Variants in FAM185A observed in about 807,000 individuals in gnomAD.
The protein encoded by FAM185A is family with sequence similarity 185 member A.
A neutral mutation model predicts 45.7 loss-of-function variants in FAM185A; 21 were observed. That is an observed-to-expected ratio of 0.46 (90% CI 0.33 to 0.66). The LOEUF (loss-of-function observed/expected upper bound fraction) is 0.66. Among genes scored for constraint, FAM185A ranks in the 30% least tolerant of loss-of-function variants. The pLI is 0.03. For missense variants in FAM185A, 305 were observed against 485.4 expected (o/e 0.63, Z 3.49); for synonymous variants, 117 against 194.0 (o/e 0.60, Z 3.30).
intron 7 of FAM185A, among the ~76,000 whole-genome samples, chr7:102,788,625 C>T (rs1017368164): frequency 2.0e-5 from 3 of 152,092 alleles, no homozygotes; most frequent in Non-Finnish European, 2.9e-5. Context: ...AGTTAAGTGG[C>T]GAAAATTTGA....
intron 7 of FAM185A, among the ~76,000 whole-genome samples, chr7:102,798,224 G>T (rs1796562064): frequency 6.6e-6 from 1 of 152,198 alleles, no homozygotes; most frequent in Non-Finnish European, 1.5e-5. Context: ...AAGTAAATAA[G>T]GAGGAAGGCT....
At chr7:102,774,168 A>AT (rs753576265) in intron 5 of FAM185A, among the ~76,000 whole-genome samples, 29 of 151,906 alleles carry the variant, frequency 1.9e-4, no homozygotes, top group Non-Finnish European at 3.2e-4. Flanking sequence ...GATCTGGCAC[A>AT]TTTTTTTGTT....
At chr7:102,783,677 G>C (rs7792717) in intron 6 of FAM185A, among the ~76,000 whole-genome samples, 69,456 of 149,000 alleles carry the variant, frequency 0.47, 17,876 homozygotes, top group African/African-American at 0.71. Flanking sequence ...TCTGGTATGT[G>C]AAAGCAGTGT....
rs1461828245 is a variant in FAM185A, at chr7:102,779,852, T to A, written c.931+2504T>A. 24 of 4,052 alleles carry A rather than the reference T, an allele frequency of 5.9e-3. No homozygotes were observed. The East Asian group carries it at 0.14, about 23-fold the overall frequency. 0.3% of individuals were successfully genotyped at this position (4,052 alleles called of 1,614,324 possible). ...CAGTTGTGCACCACCACACCCAGCT[T>A]TTTTTTTTTTTTTTTTTTTTTTTTT... On this transcript the variant is annotated intron_variant, in intron 6 of 7. Coordinates refer to ENST00000413034, the MANE Select transcript of FAM185A (RefSeq NM_001145268.2).
chr7:102,838,029 G>A, the FAM185A span, among the ~76,000 whole-genome samples: 1 of 152,182 alleles, frequency 6.6e-6, no homozygotes, highest in Non-Finnish European at 1.5e-5. Flanking sequence ...CAGGAGTGAG[G>A]AGAATGAGCT....
At chr7:102,765,158 A>T (rs1029039121) in intron 4 of FAM185A, among the ~76,000 whole-genome samples, 3 of 152,204 alleles carry the variant, frequency 2.0e-5, no homozygotes, top group African/African-American at 7.2e-5. Flanking sequence ...AGTGAACTTG[A>T]TTGCAACCGC....
the FAM185A span, among the ~76,000 whole-genome samples, chr7:102,820,500 A>G: frequency 6.6e-6 from 1 of 152,200 alleles, no homozygotes; most frequent in East Asian, 1.9e-4. Context: ...CTAGGGACCT[A>G]GCAAGAAGAC....
the FAM185A span, among the ~76,000 whole-genome samples, chr7:102,822,764 A>C: frequency 6.6e-6 from 1 of 152,248 alleles, no homozygotes; most frequent in South Asian, 2.1e-4. Context: ...ATCTGCCTCA[A>C]GTAGCACCAA....
the FAM185A span, among the ~76,000 whole-genome samples, chr7:102,825,399 T>G: frequency 6.6e-6 from 1 of 152,222 alleles, no homozygotes; most frequent in Non-Finnish European, 1.5e-5. Context: ...GCCATGCGAT[T>G]CCCTGCGTTG....
intron 7 of FAM185A, among the ~76,000 whole-genome samples, chr7:102,791,279 G>C (rs201226978): frequency 9.9e-3 from 1,252 of 126,048 alleles, no homozygotes; most frequent in East Asian, 0.026. Context: ...AAGAACAATG[G>C]TGGATGAAGG....
chr7:102,750,549 A>G (rs1231018373), intron 1 of FAM185A, among the ~76,000 whole-genome samples: 1 of 152,124 alleles, frequency 6.6e-6, no homozygotes, highest in Non-Finnish European at 1.5e-5. Context: ...ATTACAGTAT[A>G]TTGTTATAAT....
chr7:102,814,099 T>G (rs1215235972), downstream of FAM185A, among the ~76,000 whole-genome samples: 1 of 151,698 alleles, frequency 6.6e-6, no homozygotes, highest in African/African-American at 2.4e-5. Flanking sequence ...TTATAGTCTT[T>G]CTTAGCAGGA....
the FAM185A span, among the ~76,000 whole-genome samples, chr7:102,820,832 T>C: frequency 6.6e-6 from 1 of 152,180 alleles, no homozygotes; most frequent in Non-Finnish European, 1.5e-5. Flanking sequence ...CATCACCTAA[T>C]CACCTCTGAA....
In FAM185A at chr7:102,808,714, T is replaced by C. The variant is rs1165588521; in HGVS notation, c.*312T>C. Reference sequence around the variant, plus strand: ...CCAGGCTGAGTTCTCATCTGGAGTCTCTGGGAAGAAATCTACTTCCAACTT... The same window carrying C: ...CCAGGCTGAGTTCTCATCTGGAGTCCCTGGGAAGAAATCTACTTCCAACTT... On this transcript the variant is annotated 3_prime_UTR_variant, in exon 8 of 8. Transcript: ENST00000413034. The C allele has an allele frequency of 4.2e-6, 1 of 239,176 alleles. No homozygotes were observed. The highest frequency in any genetic ancestry group is 8.3e-6 in the Non-Finnish European group (1 of 121,052). The allele number at this position is 239,176 out of a possible 1,614,324, so 14.8% of individuals were successfully genotyped here.
At chr7:102,814,728 C>G in the FAM185A span, among the ~76,000 whole-genome samples, 1 of 152,124 alleles carries the variant, frequency 6.6e-6, no homozygotes, top group Non-Finnish European at 1.5e-5. Context: ...ACTTGGCAAA[C>G]AAGTTTATTC....
At chr7:102,812,894 A>G (rs1406889930), downstream of FAM185A, among the ~76,000 whole-genome samples, 1 of 147,796 alleles carries the variant, frequency 6.8e-6, no homozygotes, top group Admixed American at 6.8e-5. Context: ...CGAGGCTGGA[A>G]TGCAGTGACG....
intron 2 of FAM185A, 46 bp downstream of exon 2, chr7:102,751,847 C>T (rs2129431567): frequency 8.7e-7 from 1 of 1,149,990 alleles, no homozygotes; most frequent in East Asian, 2.7e-5. Flanking sequence ...TTTTTAAAAG[C>T]CTTAAGCTAT....
At chr7:102,812,999 C>T (rs1040604482), downstream of FAM185A, among the ~76,000 whole-genome samples, 1 of 152,010 alleles carries the variant, frequency 6.6e-6, no homozygotes, top group African/African-American at 2.4e-5. Flanking sequence ...CCCACCACCA[C>T]ACCCGGCTAA....
At chr7:102,830,126 T>C in the FAM185A span, among the ~76,000 whole-genome samples, 4 of 152,218 alleles carry the variant, frequency 2.6e-5, no homozygotes, top group African/African-American at 9.7e-5. Context: ...AACATCCCCC[T>C]TAGCTTCTGG....
Sources: gnomAD v4.1 joint callset for allele counts (sites outside exome capture counted in the v4.1 genomes callset) on GRCh38, gnomAD v4.1.1 for gene constraint, MANE v1.5 for transcripts, NCBI Gene and HGNC (gene_info 2026-07-23, HGNC 2026-07-21) for gene names.